The following TRAPPC9 variants were observed in gnomAD, a reference collection of about 807,000 sequenced individuals.
TRAPPC9 encodes the protein trafficking protein particle complex subunit 9.
In TRAPPC9, 83 loss-of-function variants were observed where a neutral mutation model predicts 124.0. The ratio of observed to expected loss-of-function variants is 0.67; its 90% CI spans 0.56 to 0.80. The LOEUF is 0.80. Ranked by LOEUF, TRAPPC9 falls within the 30% of genes least tolerant of loss-of-function variation. TRAPPC9 has a pLI of 0.00. For synonymous variants in TRAPPC9, 638 were observed against 617.5 expected, an observed-to-expected ratio of 1.03 and a Z score of -0.49; for missense variants, 1,302 against 1,508.3, an observed-to-expected ratio of 0.86 and a Z score of 2.27.
At chr8:139,900,654 T>C (rs1830961111) in intron 20 of TRAPPC9, among the ~76,000 whole-genome samples, 1 of 152,214 alleles carries the variant, frequency 6.6e-6, no homozygotes, top group Admixed American at 6.5e-5. Context: ...AGTGTTCACT[T>C]CCAAATCTTT....
At chr8:140,349,295 C>A (rs28667234) in intron 9 of TRAPPC9, among the ~76,000 whole-genome samples, 1,300 of 73,282 alleles carry the variant, frequency 0.018, 30 homozygotes, top group Non-Finnish European at 0.023. Flanking sequence ...AAGGGCACAC[C>A]AGGGGGCTGA....
chr8:140,288,900 G>C (rs1219085526), intron 12 of TRAPPC9, among the ~76,000 whole-genome samples: 3 of 152,170 alleles, frequency 2.0e-5, no homozygotes, highest in African/African-American at 4.8e-5. Context: ...TAGCGGGTTG[G>C]TTTTCTGCAG....
At position 139,817,192 on chromosome 8, in the gene TRAPPC9, C is replaced by A. The variant is rs558955199; in HGVS notation, c.3055+68687G>T. Among the ~76,000 whole-genome samples the A allele has an allele frequency of 3.3e-5, 5 of 152,198 alleles. No individual in the cohort carries two copies. The South Asian group carries it at 8.3e-4, about 25-fold the overall frequency. Reference sequence around the variant, plus strand: ...AGGGGCCGCTGGAGCAGGTTCACAGCGCCCCATCTGGAGTTAAGTCAATGA... The same window carrying A: ...AGGGGCCGCTGGAGCAGGTTCACAGAGCCCCATCTGGAGTTAAGTCAATGA... On this transcript the variant is annotated intron_variant, in intron 21 of 22. Transcript: ENST00000438773.
intron 17 of TRAPPC9, among the ~76,000 whole-genome samples, chr8:140,049,518 C>A (rs1340775185): frequency 6.6e-6 from 1 of 151,914 alleles, no homozygotes; most frequent in African/African-American, 2.4e-5. Flanking sequence ...CACCTCTCAT[C>A]AAGCATGAAG....
intron 17 of TRAPPC9, among the ~76,000 whole-genome samples, chr8:140,079,102 G>C (rs1378679965): frequency 2.0e-5 from 3 of 152,112 alleles, no homozygotes; most frequent in African/African-American, 7.2e-5. Context: ...TTTTATAAAG[G>C]ACTGTTCCCC....
chr8:140,040,430 A>C (rs961028388), intron 17 of TRAPPC9: 18 of 152,302 alleles, frequency 1.2e-4, no homozygotes, highest in African/African-American at 4.3e-4. Context: ...AGTCTCACTC[A>C]GTCGCCCAGG....
At chr8:140,337,851 A>C (rs2067085955) in intron 9 of TRAPPC9, among the ~76,000 whole-genome samples, 1 of 152,184 alleles carries the variant, frequency 6.6e-6, no homozygotes, top group Non-Finnish European at 1.5e-5. Flanking sequence ...CCAAGCAAGC[A>C]CCACGGGCCG....
At chr8:139,985,438 C>T (rs1837182210) in intron 19 of TRAPPC9, among the ~76,000 whole-genome samples, 2 of 152,288 alleles carry the variant, frequency 1.3e-5, no homozygotes, top group African/African-American at 2.4e-5. Context: ...AAGGCGTAGA[C>T]CCCAGAGGAT....
chr8:139,863,534 C>T (rs1382624925), intron 21 of TRAPPC9, among the ~76,000 whole-genome samples: 1 of 152,210 alleles, frequency 6.6e-6, no homozygotes, highest in African/African-American at 2.4e-5. Context: ...AGGTCAGGCT[C>T]GGGACCCGGG....
chr8:139,819,933 G>A (rs979130566), intron 21 of TRAPPC9, among the ~76,000 whole-genome samples: 8 of 148,140 alleles, frequency 5.4e-5, no homozygotes, highest in Non-Finnish European at 1.0e-4. Context: ...GAATCACCCC[G>A]GGAGGCAGAG....
intron 17 of TRAPPC9, among the ~76,000 whole-genome samples, chr8:140,174,089 G>A (rs1323123901): frequency 6.6e-6 from 1 of 152,134 alleles, no homozygotes; most frequent in East Asian, 1.9e-4. Flanking sequence ...AAGTGGAGAA[G>A]AAGGAAAAAT....
chr8:140,018,324 A>ATTTTTTCTTTTTTTTTTTTTTTTTCTT lies in TRAPPC9; in HGVS notation c.2699+5612_2699+5613insAAGAAAAAAAAAAAAAAAAAGAAAAAA, dbSNP rs765656679. Among the ~76,000 whole-genome samples, 2 of 119,778 alleles carry ATTTTTTCTTTTTTTTTTTTTTTTTCTT rather than the reference A, an allele frequency of 1.7e-5. 1 individual carries two copies. The highest frequency in any genetic ancestry group is 6.5e-5 in the African/African-American group (2 of 30,668). The allele number at this position is 119,778 out of a possible 152,430, so 78.6% of individuals were successfully genotyped here. ...TTGCTGGTATATAGAAACGTAAGTG[A>ATTTTTTCTTTTTTTTTTTTTTTTTCTT]TTTTTTTTTTTTTTTTTGAGACGGA... On this transcript the variant is annotated intron_variant, in intron 18 of 22. Transcript: ENST00000438773.
At chr8:140,372,985 C>T (rs2068325873) in intron 7 of TRAPPC9, among the ~76,000 whole-genome samples, 1 of 152,246 alleles carries the variant, frequency 6.6e-6, no homozygotes, top group African/African-American at 2.4e-5. Flanking sequence ...ATGCCAGGCC[C>T]TCCTCAGCCC....
chr8:140,103,816 T>C (rs1456332410), intron 17 of TRAPPC9, among the ~76,000 whole-genome samples: 1 of 152,188 alleles, frequency 6.6e-6, no homozygotes, highest in Non-Finnish European at 1.5e-5. Flanking sequence ...AAAATGTGAC[T>C]TGCCAAGAGT....
At chr8:140,426,726 A>G (rs1419522048) in intron 4 of TRAPPC9, 85 bp from the exon 5 acceptor site, 2 of 1,371,558 alleles carry the variant, frequency 1.5e-6, no homozygotes, top group Admixed American at 1.7e-5. Flanking sequence ...TTCATAATTC[A>G]CATAGCCTAG....
intron 21 of TRAPPC9, among the ~76,000 whole-genome samples, chr8:139,865,498 G>A (rs188741935): frequency 2.2e-4 from 34 of 152,324 alleles, no homozygotes; most frequent in African/African-American, 7.9e-4. Flanking sequence ...AGCCACCCCT[G>A]GGATGGGAGC....
chr8:140,107,995 G>A (rs989881252), intron 17 of TRAPPC9, among the ~76,000 whole-genome samples: 4 of 151,798 alleles, frequency 2.6e-5, no homozygotes, highest in South Asian at 2.1e-4. Context: ...AGACAGACAC[G>A]CACACATATA....
intron 17 of TRAPPC9, among the ~76,000 whole-genome samples, chr8:140,178,784 G>C (rs989261936): frequency 6.6e-6 from 1 of 152,052 alleles, no homozygotes; most frequent in Non-Finnish European, 1.5e-5. Context: ...ATAATGAACT[G>C]ACTTTTATTA....
chr8:140,168,128 A>G (rs1419052680), intron 17 of TRAPPC9, among the ~76,000 whole-genome samples: 1 of 152,262 alleles, frequency 6.6e-6, no homozygotes, highest in Non-Finnish European at 1.5e-5. Flanking sequence ...AGATGCACTG[A>G]CAATGAGGTA....
Sources: gnomAD v4.1 joint callset for allele counts (sites outside exome capture counted in the v4.1 genomes callset) on GRCh38, gnomAD v4.1.1 for gene constraint, MANE v1.5 for transcripts, NCBI Gene and HGNC (gene_info 2026-07-23, HGNC 2026-07-21) for gene names.